PID1: variants seen among roughly 807,000 people sequenced by gnomAD.
The protein encoded by PID1 is phosphotyrosine interaction domain containing 1, also known as PTB-containing, cubilin and LRP1-interacting protein.
PID1 carries 10 observed loss-of-function variants against 19.1 expected under a neutral mutation model. The observed-to-expected ratio is 0.52, with a 90% CI of 0.32 to 0.89. PID1 has a LOEUF of 0.89. Among genes scored for constraint, PID1 ranks in the 40% least tolerant of loss-of-function variants. PID1 has a pLI of 0.03. For missense variants in PID1, 248 were observed against 285.3 expected, an observed-to-expected ratio of 0.87 and a Z score of 0.94; for synonymous variants, 130 against 116.0, an observed-to-expected ratio of 1.12 and a Z score of -0.78.
chr2:229,102,800 G>A (rs1033730001), intron 2 of PID1, among the ~76,000 whole-genome samples: 2 of 152,166 alleles, frequency 1.3e-5, no homozygotes, highest in African/African-American at 4.8e-5. Context: ...AGAGTGCCCT[G>A]GAAGGATCCA....
intron 1 of PID1, among the ~76,000 whole-genome samples, chr2:229,173,717 T>C (rs925722745): frequency 2.0e-5 from 3 of 152,186 alleles, no homozygotes; most frequent in Admixed American, 6.5e-5. Flanking sequence ...GCTGGTAGTA[T>C]CAGTGCTCTT....
intron 1 of PID1, among the ~76,000 whole-genome samples, chr2:229,190,080 A>C (rs1332601019): frequency 1.3e-5 from 2 of 152,218 alleles, no homozygotes; most frequent in African/African-American, 4.8e-5. Flanking sequence ...AGAAAGCAAT[A>C]ACAGCTCATG....
intron 1 of PID1, among the ~76,000 whole-genome samples, chr2:229,172,843 T>A (rs1690738338): frequency 6.6e-6 from 1 of 152,196 alleles, no homozygotes; most frequent in African/African-American, 2.4e-5. Flanking sequence ...GCAATTCTCC[T>A]GCCTCAACCT....
At chr2:229,070,716 T>A (rs537224631) in intron 2 of PID1, among the ~76,000 whole-genome samples, 1 of 152,210 alleles carries the variant, frequency 6.6e-6, no homozygotes, top group East Asian at 1.9e-4. Context: ...GCTACAGAAG[T>A]GGCTTGAGAG....
intron 2 of PID1, among the ~76,000 whole-genome samples, chr2:229,154,575 T>C (rs1299297292): frequency 6.6e-6 from 1 of 152,138 alleles, no homozygotes; most frequent in African/African-American, 2.4e-5. Context: ...ATGTGTGGAA[T>C]GAATGAATGT....
chr2:229,107,503 CAAA>C (rs36057425), intron 2 of PID1, among the ~76,000 whole-genome samples: 21 of 119,186 alleles, frequency 1.8e-4, no homozygotes, highest in Non-Finnish European at 1.8e-4. Context: ...AATATATCAC[CAAA>C]AAAAAAAAAA....
intron 1 of PID1, among the ~76,000 whole-genome samples, chr2:229,180,865 C>A (rs538417713): frequency 1.3e-5 from 2 of 152,208 alleles, no homozygotes; most frequent in Non-Finnish European, 2.9e-5. Flanking sequence ...CCCTTCGGAA[C>A]GGCGCTCGCC....
intron 1 of PID1, among the ~76,000 whole-genome samples, chr2:229,163,683 G>GCGCGCA (rs1559264460): frequency 8.4e-4 from 33 of 39,432 alleles, no homozygotes; most frequent in African/African-American, 1.4e-3. Flanking sequence ...GTGCGTGTGC[G>GCGCGCA]TGTGTGTGTG....
intron 1 of PID1, among the ~76,000 whole-genome samples, chr2:229,234,630 T>C (rs371568269): frequency 4.6e-5 from 7 of 152,316 alleles, no homozygotes; most frequent in African/African-American, 1.7e-4. Flanking sequence ...TGTGTGATAA[T>C]TTATTAGAGC....
intron 1 of PID1, among the ~76,000 whole-genome samples, chr2:229,213,255 A>T (rs1049457461): frequency 6.6e-6 from 1 of 152,048 alleles, no homozygotes; most frequent in African/African-American, 2.4e-5. Context: ...GGCAGAGCAT[A>T]GGGCCCAGCA....
chr2:229,151,045 G>A (rs1690240669), intron 2 of PID1, among the ~76,000 whole-genome samples: 1 of 152,082 alleles, frequency 6.6e-6, no homozygotes, highest in African/African-American at 2.4e-5. Flanking sequence ...TGGGATGGTA[G>A]GCACGGAACT....
chr2:229,261,719 C>T (rs1229118030), intron 1 of PID1, among the ~76,000 whole-genome samples: 1 of 152,194 alleles, frequency 6.6e-6, no homozygotes, highest in Non-Finnish European at 1.5e-5. Context: ...AAAAGCAAAA[C>T]AGCATTTTAA....
At chr2:229,253,741 T>G (rs997270364) in intron 1 of PID1, among the ~76,000 whole-genome samples, 2 of 152,210 alleles carry the variant, frequency 1.3e-5, no homozygotes, top group African/African-American at 4.8e-5. Context: ...TCCTTCACTT[T>G]TCCCCAGACA....
chr2:229,125,728 A>G (rs914754516), intron 2 of PID1, among the ~76,000 whole-genome samples: 4 of 152,166 alleles, frequency 2.6e-5, no homozygotes, highest in South Asian at 2.1e-4. Context: ...CATTCCTTAA[A>G]GTTTTTAATA....
At chr2:229,265,880 A>G (rs1455378463) in intron 1 of PID1, among the ~76,000 whole-genome samples, 5 of 152,174 alleles carry the variant, frequency 3.3e-5, no homozygotes. Context: ...ACAAAATGCA[A>G]AAGTTGCCTA....
At chr2:229,157,794 C>G (rs1690406834) in intron 1 of PID1, among the ~76,000 whole-genome samples, 1 of 152,184 alleles carries the variant, frequency 6.6e-6, no homozygotes, top group Non-Finnish European at 1.5e-5. Context: ...CCTATCACAT[C>G]CTTTCCCGCT....
At chr2:229,112,547 G>T (rs574733835) in intron 2 of PID1, among the ~76,000 whole-genome samples, 1 of 152,020 alleles carries the variant, frequency 6.6e-6, no homozygotes. Context: ...GTGCAGTGGC[G>T]CAATCTCAGC....
chr2:229,088,771 T>C (rs1694816347), intron 2 of PID1, among the ~76,000 whole-genome samples: 1 of 152,144 alleles, frequency 6.6e-6, no homozygotes. Context: ...ACTGGAAGCC[T>C]GCTTCTGCTC....
chr2:229,147,653 T>C (rs964971665), intron 2 of PID1, among the ~76,000 whole-genome samples: 5 of 152,192 alleles, frequency 3.3e-5, no homozygotes, highest in Admixed American at 2.6e-4. Flanking sequence ...ATATTTTCCA[T>C]AGTATTGCTG....
Sources: gnomAD v4.1 joint callset for allele counts (sites outside exome capture counted in the v4.1 genomes callset) on GRCh38, gnomAD v4.1.1 for gene constraint, MANE v1.5 for transcripts, NCBI Gene and HGNC (gene_info 2026-07-23, HGNC 2026-07-21) for gene names.